KCNK2: variants seen among roughly 807,000 people sequenced by gnomAD.
KCNK2 encodes the protein potassium channel subfamily K member 2.
A neutral mutation model predicts 40.5 loss-of-function variants in KCNK2; 21 were observed. The ratio of observed to expected loss-of-function variants is 0.52; its 90% CI spans 0.37 to 0.75. The LOEUF is 0.75. Among genes scored for constraint, KCNK2 ranks in the 30% least tolerant of loss-of-function variants. KCNK2 has a pLI of 0.00. For synonymous variants in KCNK2, 191 were observed against 202.2 expected, an observed-to-expected ratio of 0.94 and a Z score of 0.47; for missense variants, 399 against 531.6, an observed-to-expected ratio of 0.75 and a Z score of 2.45.
rs541943416 is a variant in KCNK2, at chr1:215,043,999, A to G, written c.34+38044A>G. Among the ~76,000 whole-genome samples the G allele has an allele frequency of 2.0e-5, 3 of 152,292 alleles. No homozygotes were observed. In the East Asian group the frequency reaches 5.8e-4, roughly 29 times the overall value. ...AATAAGAATCTCCAAAAGATATAGA[A>G]AATAAGGGGATCAAACAAAGATAAC... is the stretch of plus-strand genomic sequence containing the variant. On this transcript the variant is annotated intron_variant, in intron 1 of 6. Coordinates refer to the KCNK2 transcript ENST00000391895.
rs1382241428 is a variant in KCNK2 at position 215,234,940 on chromosome 1, C to T, written c.1076C>T (p.Thr359Ile). 6.2e-7 allele frequency: 1 copy of T among 1,614,034 alleles called. No individual in the cohort carries two copies. Among genetic ancestry groups the T allele is most frequent in the East Asian group, 2.2e-5 (1 of 44,856 alleles). Residue 359 changes from threonine (T) to isoleucine (I), a missense_variant, in exon 7 of 7, where the codon ACC becomes ATC. By Grantham distance (89) the Thr-to-Ile change is moderately conservative. Coordinates refer to ENST00000444842, the MANE Select transcript of KCNK2 (RefSeq NM_001017425.3). ...ATTTATGACAAGTTCCAGCGGGCCACCTCCATCAAGCGGAAGCTCTCGGCA... is the reference window on the plus strand; with the variant it reads ...ATTTATGACAAGTTCCAGCGGGCCATCTCCATCAAGCGGAAGCTCTCGGCA... Reference protein sequence around the residue: ...VEIYDKFQRATSIKRKLSAEL... With the variant: ...VEIYDKFQRAISIKRKLSAEL...
chr1:215,211,828 A>G (rs1374374150), intron 6 of KCNK2, among the ~76,000 whole-genome samples: 1 of 152,196 alleles, frequency 6.6e-6, no homozygotes, highest in Non-Finnish European at 1.5e-5. Flanking sequence ...TTGAAGGGCT[A>G]GATTTTCATC....
At chr1:215,011,815 T>C (rs564442126) in intron 1 of KCNK2, among the ~76,000 whole-genome samples, 9 of 148,342 alleles carry the variant, frequency 6.1e-5, no homozygotes, top group Non-Finnish European at 1.3e-4. Flanking sequence ...ACCATGTTGG[T>C]CAGGATGGTC....
intron 1 of KCNK2, among the ~76,000 whole-genome samples, chr1:215,076,697 G>T (rs1658941762): frequency 6.6e-6 from 1 of 152,140 alleles, no homozygotes; most frequent in East Asian, 1.9e-4. Context: ...TTATCAGAAG[G>T]AGTCAGTAAA....
chr1:215,124,824 G>A (rs1180121823), intron 3 of KCNK2, 74 bp downstream of exon 3: 15 of 876,082 alleles, frequency 1.7e-5, no homozygotes, highest in Non-Finnish European at 2.7e-5. Context: ...TGAATTTTTT[G>A]TATAGTTGGG....
rs1260960438 is a variant in KCNK2 at position 215,181,704 on chromosome 1, A to T, written c.823+9521A>T. On this transcript the variant is annotated intron_variant, in intron 5 of 6. Coordinates refer to ENST00000444842, the MANE Select transcript of KCNK2 (RefSeq NM_001017425.3). ...TCTTGAGCTATGCTGTCAACTTATA[A>T]GCCAGTAGATGGCACTTATGGGTAA... Among the ~76,000 whole-genome samples the T allele has an allele frequency of 9.2e-5, 14 of 152,286 alleles. No individual in the cohort carries two copies. The East Asian group carries it at 2.7e-3, about 29-fold the overall frequency.
rs779196176 is a variant in KCNK2, at chr1:215,042,128, G to A, written c.34+36173G>A. Among the ~76,000 whole-genome samples the A allele has an allele frequency of 2.0e-5, 3 of 152,140 alleles. No homozygotes were observed. In the East Asian group the frequency reaches 5.8e-4, roughly 29 times the overall value. ...CACGGGTTCCCTCCCATGACTCGTGGGAATTATGGGAGCTGCAATTCAAGG... is the reference window on the plus strand; with the variant it reads ...CACGGGTTCCCTCCCATGACTCGTGAGAATTATGGGAGCTGCAATTCAAGG... On this transcript the variant is annotated intron_variant, in intron 1 of 6. Coordinates refer to the KCNK2 transcript ENST00000391895.
At chr1:215,079,375 A>G (rs1479665615), upstream of KCNK2, among the ~76,000 whole-genome samples, 1 of 152,194 alleles carries the variant, frequency 6.6e-6, no homozygotes, top group Non-Finnish European at 1.5e-5. Flanking sequence ...GAAACTTACA[A>G]TCATGGCAGG....
intron 1 of KCNK2, among the ~76,000 whole-genome samples, chr1:215,052,773 A>T (rs1337187281): frequency 2.6e-5 from 4 of 152,174 alleles, no homozygotes; most frequent in African/African-American, 9.6e-5. Flanking sequence ...CAATGAGAGA[A>T]TAGTATTTAT....
At chr1:215,179,773 T>C (rs908782781) in intron 5 of KCNK2, among the ~76,000 whole-genome samples, 2 of 152,136 alleles carry the variant, frequency 1.3e-5, no homozygotes, top group Non-Finnish European at 2.9e-5. Flanking sequence ...ATTTGCTTTA[T>C]GGCTGAGCAT....
At chr1:215,005,543 C>G (rs1656096846), upstream of KCNK2, among the ~76,000 whole-genome samples, 1 of 152,190 alleles carries the variant, frequency 6.6e-6, no homozygotes, top group Non-Finnish European at 1.5e-5. Context: ...GCTTGAGCCA[C>G]AAACTTGTGA....
At chr1:215,218,421 G>A (rs917382718) in intron 6 of KCNK2, among the ~76,000 whole-genome samples, 1 of 152,082 alleles carries the variant, frequency 6.6e-6, no homozygotes, top group Non-Finnish European at 1.5e-5. Context: ...ATCGCTACCC[G>A]ACTATGTCCT....
At chr1:215,020,366 T>A (rs1656748085) in intron 1 of KCNK2, among the ~76,000 whole-genome samples, 1 of 152,222 alleles carries the variant, frequency 6.6e-6, no homozygotes. Context: ...TCATATACTG[T>A]CTCAGAAGCA....
intron 2 of KCNK2, among the ~76,000 whole-genome samples, chr1:215,101,257 G>A (rs1024444347): frequency 2.0e-5 from 3 of 151,976 alleles, no homozygotes; most frequent in African/African-American, 7.2e-5. Flanking sequence ...AATTTCAGAA[G>A]GTGCTAATCA....
At chr1:215,075,576 G>A (rs554791726) in intron 1 of KCNK2, among the ~76,000 whole-genome samples, 1 of 152,312 alleles carries the variant, frequency 6.6e-6, no homozygotes, top group African/African-American at 2.4e-5. Context: ...TGCTTGATAA[G>A]TACTGGTTTA....
intron 1 of KCNK2, among the ~76,000 whole-genome samples, chr1:215,010,204 A>G (rs531373554): frequency 2.0e-5 from 3 of 152,334 alleles, no homozygotes; most frequent in Non-Finnish European, 4.4e-5. Context: ...ATGAAGCAGC[A>G]GGTCCAGATA....
chr1:215,163,369 G>A (rs892526974), intron 3 of KCNK2, among the ~76,000 whole-genome samples: 2 of 152,162 alleles, frequency 1.3e-5, no homozygotes, highest in African/African-American at 2.4e-5. Flanking sequence ...TGCAAACAGA[G>A]GCAATTTGGC....
At chr1:215,049,537 GC>G (rs761415528) in intron 1 of KCNK2, among the ~76,000 whole-genome samples, 1 of 152,028 alleles carries the variant, frequency 6.6e-6, no homozygotes, top group Non-Finnish European at 1.5e-5. Context: ...TATAGATTGT[GC>G]TTTTTGTGTC....
intron 6 of KCNK2, among the ~76,000 whole-genome samples, chr1:215,215,505 G>A (rs1175926273): frequency 6.6e-6 from 1 of 152,160 alleles, no homozygotes; most frequent in Non-Finnish European, 1.5e-5. Flanking sequence ...GTGACTAGCA[G>A]TGGGAGTGAA....
Sources: allele counts gnomAD v4.1 joint callset (sites outside exome capture counted in the v4.1 genomes callset), GRCh38; gene constraint gnomAD v4.1.1; transcripts MANE v1.5; gene names NCBI Gene and HGNC (gene_info 2026-07-23, HGNC 2026-07-21).